MYCBP2: variants seen among roughly 807,000 people sequenced by gnomAD.
MYCBP2 encodes the protein MYC binding protein 2.
MYCBP2 carries 120 observed loss-of-function variants against 525.3 expected under a neutral mutation model. That is an observed-to-expected ratio of 0.23 (90% CI 0.20 to 0.27). The LOEUF is 0.27. Among genes scored for constraint, MYCBP2 ranks in the 10% least tolerant of loss-of-function variants. The pLI is 1.00. For synonymous variants in MYCBP2, 1,894 were observed against 1,955.8 expected, an observed-to-expected ratio of 0.97 and a Z score of 0.83; for missense variants, 4,149 against 5,657.1, an observed-to-expected ratio of 0.73 and a Z score of 8.55.
chr13:77,291,910 G>A (rs2077521710), intron 2 of MYCBP2, among the ~76,000 whole-genome samples: 1 of 152,210 alleles, frequency 6.6e-6, no homozygotes, highest in South Asian at 2.1e-4. Flanking sequence ...TGGGAATGTG[G>A]ATGTTTAGAG....
chr13:77,291,932 G>T (rs899884921), intron 2 of MYCBP2, among the ~76,000 whole-genome samples: 6 of 152,200 alleles, frequency 3.9e-5, no homozygotes, highest in Non-Finnish European at 8.8e-5. Context: ...TTTCTTTGTG[G>T]TAGTGATTGA....
rs550701796 is a variant in MYCBP2, at chr13:77,240,624, TAAAC to T, written c.2629+2431_2629+2434del. Reference sequence around the variant, plus strand: ...CTTCATCTCAAAATAAATAAATAAATAAACAAACAAACAAAACATACAAGCAGGC... The same window carrying T: ...CTTCATCTCAAAATAAATAAATAAATAAACAAACAAAACATACAAGCAGGC... On this transcript the variant is annotated intron_variant, in intron 17 of 82. Transcript: ENST00000544440. Among the ~76,000 whole-genome samples the T allele has an allele frequency of 4.9e-4, 74 of 151,856 alleles. No homozygotes were observed. The South Asian group carries it at 0.013, about 26-fold the overall frequency.
At chr13:77,259,276 G>T (rs532346438) in intron 13 of MYCBP2, among the ~76,000 whole-genome samples, 1 of 151,416 alleles carries the variant, frequency 6.6e-6, no homozygotes, top group Admixed American at 6.6e-5. Flanking sequence ...AAAAAAAAAA[G>T]TGTTGGTGCT....
intron 29 of MYCBP2, among the ~76,000 whole-genome samples, chr13:77,190,009 T>C (rs1046473579): frequency 1.1e-4 from 16 of 152,152 alleles, no homozygotes; most frequent in African/African-American, 3.9e-4. Context: ...AATATTGTTA[T>C]TGGTATAATA....
chr13:77,150,168 CAA>C (rs2056249076), intron 47 of MYCBP2, among the ~76,000 whole-genome samples: 2 of 152,168 alleles, frequency 1.3e-5, no homozygotes, highest in Non-Finnish European at 2.9e-5. Context: ...CTAAAAATCC[CAA>C]AGAGTTCTAG....
chr13:77,114,693 TATATC>T (rs1172285365), intron 55 of MYCBP2, among the ~76,000 whole-genome samples: 3 of 152,082 alleles, frequency 2.0e-5, no homozygotes, highest in Admixed American at 6.6e-5. Context: ...TCTTTTGACA[TATATC>T]ATATATTTCA....
chr13:77,080,995 C>G (rs1252994265), intron 65 of MYCBP2: 2 of 157,390 alleles, frequency 1.3e-5, no homozygotes, highest in Non-Finnish European at 2.8e-5. Context: ...TATTAAGTGC[C>G]ACCAGAGTAA....
intron 68 of MYCBP2, chr13:77,076,229 T>A (rs1010295142): frequency 2.6e-5 from 4 of 152,186 alleles, no homozygotes; most frequent in Non-Finnish European, 4.4e-5. Flanking sequence ...AAAGACAAAT[T>A]AGACATGGAC....
chr13:77,169,012 T>G (rs1321615994), intron 39 of MYCBP2, among the ~76,000 whole-genome samples: 1 of 152,214 alleles, frequency 6.6e-6, no homozygotes, highest in African/African-American at 2.4e-5. Flanking sequence ...CCATTTGGCA[T>G]CAACCTCATA....
intron 15 of MYCBP2, among the ~76,000 whole-genome samples, chr13:77,246,947 C>G (rs1330377950): frequency 1.3e-5 from 2 of 151,948 alleles, no homozygotes; most frequent in African/African-American, 4.8e-5. Context: ...AGTAGACAAA[C>G]TAGGAATAGA....
chr13:77,109,132 C>G (rs1385113125), intron 55 of MYCBP2, among the ~76,000 whole-genome samples: 1 of 152,160 alleles, frequency 6.6e-6, no homozygotes, highest in Non-Finnish European at 1.5e-5. Context: ...TCTTATGTGG[C>G]AGGTAGAGGA....
At position 77,064,608 on chromosome 13, in the gene MYCBP2, A is replaced by C. The variant is rs1300988344; in HGVS notation, c.12672+7T>G. 6 of 1,602,206 alleles carry C rather than the reference A, an allele frequency of 3.7e-6. No individual in the cohort carries two copies. The highest frequency in any genetic ancestry group is 4.3e-6 in the Non-Finnish European group (5 of 1,173,590). On this transcript the variant is annotated splice_region_variant and intron_variant, in intron 73 of 82. Transcript: ENST00000544440. The stretch of plus-strand genomic sequence containing the variant: ...TTTAAAACAAAACAAAACAAAGCAA[A>C]ACCTACTCTAGTTGTTGCAATACAT...
At chr13:77,183,538 TTTC>T (rs2060420790) in intron 32 of MYCBP2, among the ~76,000 whole-genome samples, 3 of 126,088 alleles carry the variant, frequency 2.4e-5, no homozygotes, top group African/African-American at 8.8e-5. Flanking sequence ...ATAGTCCCTA[TTTC>T]TTTTTTTTTT....
chr13:77,067,725 C>T lies in MYCBP2; in HGVS notation c.12311G>A (p.Gly4104Asp). The T allele has an allele frequency of 6.2e-7, 1 of 1,614,116 alleles. No individual in the cohort carries two copies. The highest frequency in any genetic ancestry group is 8.5e-7 in the Non-Finnish European group (1 of 1,180,016). Residue 4104 changes from glycine to aspartate, a missense_variant, in exon 71 of 83, where the codon GGT becomes GAT. Around this residue, in one of 21 missense-constraint regions of MYCBP2, gnomAD observed 148 missense variants for 179.4 expected, o/e 0.82. Transcript: ENST00000544440. Reference protein sequence around the residue: ...STEKGDWNKLGILDMFLGCIA... With the variant: ...STEKGDWNKLDILDMFLGCIA... Reference sequence around the variant, plus strand: ...GCATCCTAGAAACATGTCCAAGATACCCAGCTTATTCCAGTCTCCTTTCTC... The same window carrying T: ...GCATCCTAGAAACATGTCCAAGATATCCAGCTTATTCCAGTCTCCTTTCTC...
chr13:77,076,929 C>A, intron 67 of MYCBP2, 80 bp from the exon 68 acceptor site: 1 of 1,209,216 alleles, frequency 8.3e-7, no homozygotes, highest in Non-Finnish European at 1.2e-6. Context: ...TAGCTGATTC[C>A]GCAGGTTTTA....
chr13:77,118,616 C>A, intron 55 of MYCBP2: 2 of 555,254 alleles, frequency 3.6e-6, no homozygotes, highest in Non-Finnish European at 6.5e-6. Context: ...CATGCCAATT[C>A]AGAAATGAGT....
intron 46 of MYCBP2, 35 bp from the exon 47 acceptor site, chr13:77,150,984 T>TAATAATGG: frequency 6.6e-7 from 1 of 1,520,214 alleles, no homozygotes; most frequent in Non-Finnish European, 9.1e-7. Context: ...AATACCATTA[T>TAATAATGG]TATTTAATTG....
At chr13:77,277,657 C>T (rs1278636340) in intron 4 of MYCBP2, among the ~76,000 whole-genome samples, 1 of 152,190 alleles carries the variant, frequency 6.6e-6, no homozygotes, top group Non-Finnish European at 1.5e-5. Flanking sequence ...CTCAAACCAG[C>T]ATCTGTATCA....
At position 77,064,691 on chromosome 13, in the gene MYCBP2, A is replaced by G. The variant is rs2154076984; in HGVS notation, c.12596T>C (p.Ile4199Thr). 6.2e-7 allele frequency: 1 copy of G among 1,613,876 alleles called. No homozygotes were observed. The highest frequency in any genetic ancestry group is 2.2e-5 in the East Asian group (1 of 44,820). The change falls in exon 73 of 83, where the codon ATT becomes ACT. Residue 4199 changes from isoleucine to threonine, a missense_variant. Transcript: ENST00000544440. ...GGTCAAGGCAATGATGGTTTCTGCA[A>G]TAGCATTTTTTGTCACTCGGGACCA... The part of the protein sequence containing the change: ...EAWSRVTKNA[I>T]AETIIALTKM...
Sources: allele counts gnomAD v4.1 joint callset (sites outside exome capture counted in the v4.1 genomes callset), GRCh38; gene constraint gnomAD v4.1.1; regional missense constraint gnomAD v4.1.1; transcripts MANE v1.5; gene names NCBI Gene and HGNC (gene_info 2026-07-23, HGNC 2026-07-21).